The following NRXN1 variants were observed in gnomAD, a reference collection of about 807,000 sequenced individuals.
NRXN1 encodes neurexin-1.
A neutral mutation model predicts 150.9 loss-of-function variants in NRXN1; 39 were observed. That is an observed-to-expected ratio of 0.26 (90% CI 0.20 to 0.34). The LOEUF (loss-of-function observed/expected upper bound fraction) is 0.34, where lower values mean the gene tolerates loss of function less well. Ranked by LOEUF, NRXN1 falls within the 10% of genes least tolerant of loss-of-function variation. The probability of loss-of-function intolerance (pLI) is 1.00; values close to 1 mark genes in which losing one functional copy is unlikely to be tolerated. For synonymous variants in NRXN1, 924 were observed against 757.0 expected (o/e 1.22, Z -3.62); for missense variants, 1,815 against 1,949.9 (o/e 0.93, Z 1.30).
At chr2:50,365,241 A>G (rs892061860) in intron 17 of NRXN1, among the ~76,000 whole-genome samples, 1 of 152,082 alleles carries the variant, frequency 6.6e-6, no homozygotes, top group Admixed American at 6.6e-5. Context: ...GTTCACATTG[A>G]TATTAACCAC....
intron 18 of NRXN1, among the ~76,000 whole-genome samples, chr2:50,161,836 TGAAGGCAG>T (rs1405833467): frequency 2.6e-5 from 4 of 151,828 alleles, no homozygotes; most frequent in African/African-American, 9.7e-5. Context: ...GTGGGAGGAA[TGAAGGCAG>T]GAAGGCAGGC....
chr2:50,590,561 C>A (rs185222809), intron 8 of NRXN1, among the ~76,000 whole-genome samples: 87 of 152,206 alleles, frequency 5.7e-4, no homozygotes, highest in African/African-American at 2.0e-3. Context: ...CCCCTCTCCA[C>A]CCATATTCAG....
chr2:50,303,210 A>G (rs1280174295), intron 17 of NRXN1, among the ~76,000 whole-genome samples: 2 of 152,158 alleles, frequency 1.3e-5, no homozygotes, highest in Admixed American at 6.5e-5. Context: ...CTATCTGCAT[A>G]ATTAATCAGT....
chr2:50,988,658 T>C (rs2104961350), intron 2 of NRXN1, among the ~76,000 whole-genome samples: 1 of 152,068 alleles, frequency 6.6e-6, no homozygotes, highest in Non-Finnish European at 1.5e-5. Context: ...TATAATTCCT[T>C]GAGATAACTG....
chr2:49,975,778 A>G (rs932845397), intron 21 of NRXN1, among the ~76,000 whole-genome samples: 10 of 152,294 alleles, frequency 6.6e-5, no homozygotes, highest in Middle Eastern at 6.8e-3. Context: ...TAATAGCCCC[A>G]AACTAGAAAC....
intron 17 of NRXN1, among the ~76,000 whole-genome samples, chr2:50,440,952 A>C (rs952872968): frequency 2.6e-5 from 4 of 152,126 alleles, no homozygotes; most frequent in Non-Finnish European, 5.9e-5. Context: ...ATTCCACTTC[A>C]CTCTGAGTCT....
chr2:50,178,986 C>T (rs1433738555), intron 18 of NRXN1, among the ~76,000 whole-genome samples: 1 of 152,022 alleles, frequency 6.6e-6, no homozygotes, highest in Admixed American at 6.6e-5. Flanking sequence ...TGCTTGAGAA[C>T]AGTTTATATT....
intron 5 of NRXN1, among the ~76,000 whole-genome samples, chr2:50,839,966 T>C (rs903915040): frequency 3.9e-5 from 6 of 152,168 alleles, no homozygotes; most frequent in Admixed American, 2.0e-4. Context: ...TGTTTCAGCA[T>C]GGCTGAAAGC....
intron 5 of NRXN1, among the ~76,000 whole-genome samples, chr2:50,871,940 G>A (rs1313634249): frequency 6.6e-6 from 1 of 151,720 alleles, no homozygotes; most frequent in Admixed American, 6.6e-5. Flanking sequence ...ATTTCTAACA[G>A]GTCTAGGATA....
chr2:50,615,593 T>C (rs536382236), intron 8 of NRXN1: 1 of 152,168 alleles, frequency 6.6e-6, no homozygotes, highest in Non-Finnish European at 1.5e-5. Context: ...GAAACACTTA[T>C]ACGATGAAAA....
At chr2:50,660,714 G>A (rs1435269534) in intron 5 of NRXN1, among the ~76,000 whole-genome samples, 1 of 152,008 alleles carries the variant, frequency 6.6e-6, no homozygotes, top group Admixed American at 6.6e-5. Flanking sequence ...GCAGGCCAGT[G>A]CCATATTTCT....
intron 18 of NRXN1, among the ~76,000 whole-genome samples, chr2:50,204,320 A>T (rs1482584349): frequency 6.7e-6 from 1 of 149,184 alleles, no homozygotes; most frequent in Non-Finnish European, 1.5e-5. Context: ...AAGTTATTTG[A>T]AATAAAAATA....
At chr2:50,544,099 T>C (rs542504900) in intron 9 of NRXN1, among the ~76,000 whole-genome samples, 1 of 152,244 alleles carries the variant, frequency 6.6e-6, no homozygotes, top group South Asian at 2.1e-4. Flanking sequence ...TAAATTAATG[T>C]CAATTTTATC....
At chr2:50,134,779 G>A (rs1706125938) in intron 18 of NRXN1, among the ~76,000 whole-genome samples, 1 of 152,096 alleles carries the variant, frequency 6.6e-6, no homozygotes. Context: ...CACAAACTGA[G>A]TCGCAGGTTG....
At chr2:50,583,574 C>G (rs1194270198) in intron 8 of NRXN1, among the ~76,000 whole-genome samples, 1 of 152,092 alleles carries the variant, frequency 6.6e-6, no homozygotes, top group African/African-American at 2.4e-5. Context: ...ATCTTACTGC[C>G]TAGCACAACA....
chr2:50,986,331 G>A lies in NRXN1; in HGVS notation c.772+41171C>T, dbSNP rs564979456. On this transcript the variant is annotated intron_variant, in intron 2 of 22. Coordinates refer to ENST00000401669, the MANE Select transcript of NRXN1 (RefSeq NM_001330078.2). Reference sequence around the variant, plus strand: ...TCATTTTTATAAATAAAAAATATTCGTAGATGAATAAATGTATCCATGTGT... The same window carrying A: ...TCATTTTTATAAATAAAAAATATTCATAGATGAATAAATGTATCCATGTGT... 7.9e-5 allele frequency among the ~76,000 whole-genome samples: 12 copies of A among 151,694 alleles called. No individual in the cohort carries two copies. The South Asian group carries it at 1.7e-3, about 21-fold the overall frequency.
intron 5 of NRXN1, among the ~76,000 whole-genome samples, chr2:50,690,701 C>T (rs2104875295): frequency 6.6e-6 from 1 of 152,282 alleles, no homozygotes; most frequent in South Asian, 2.1e-4. Flanking sequence ...TCCTAAGTGT[C>T]ATCTTGTAGC....
intron 15 of NRXN1, among the ~76,000 whole-genome samples, chr2:50,481,726 C>G (rs1287875585): frequency 7.0e-6 from 1 of 142,824 alleles, no homozygotes; most frequent in Non-Finnish European, 1.5e-5. Context: ...ATCAACAGAA[C>G]ATATAATTCT....
intron 18 of NRXN1, among the ~76,000 whole-genome samples, chr2:50,202,340 A>T (rs905551468): frequency 3.3e-5 from 5 of 152,272 alleles, no homozygotes; most frequent in Non-Finnish European, 7.4e-5. Context: ...CCCCGTCTCT[A>T]CTAAAAATAC....
Sources: gnomAD v4.1 joint callset for allele counts (sites outside exome capture counted in the v4.1 genomes callset) on GRCh38, gnomAD v4.1.1 for gene constraint, MANE v1.5 for transcripts, NCBI Gene and HGNC (gene_info 2026-07-23, HGNC 2026-07-21) for gene names.